The following SEMA5A variants were observed in gnomAD, a reference collection of about 807,000 sequenced individuals.
SEMA5A encodes semaphorin-5A.
SEMA5A carries 55 observed loss-of-function variants against 135.5 expected under a neutral mutation model. That is an observed-to-expected ratio of 0.41 (90% CI 0.33 to 0.51). The LOEUF (loss-of-function observed/expected upper bound fraction) is 0.51, where lower values mean the gene tolerates loss of function less well. SEMA5A is among the 20% of genes least tolerant of loss of function. The pLI is 0.37. For synonymous variants in SEMA5A, 580 were observed against 546.5 expected (o/e 1.06, Z -0.85); for missense variants, 1,290 against 1,419.9 (o/e 0.91, Z 1.47).
chr5:9,124,014 G>A (rs1397200274), intron 13 of SEMA5A, among the ~76,000 whole-genome samples: 1 of 152,172 alleles, frequency 6.6e-6, no homozygotes, highest in African/African-American at 2.4e-5. Flanking sequence ...GCAAGGGCTG[G>A]CAAGGATGAA....
chr5:9,118,186 T>G (rs1027862354), intron 15 of SEMA5A, among the ~76,000 whole-genome samples: 2 of 152,210 alleles, frequency 1.3e-5, no homozygotes, highest in African/African-American at 4.8e-5. Context: ...TAAAATGCAC[T>G]GAAAGTCATT....
At chr5:9,183,950 T>G (rs1159509135) in intron 11 of SEMA5A, among the ~76,000 whole-genome samples, 1 of 152,230 alleles carries the variant, frequency 6.6e-6, no homozygotes, top group Non-Finnish European at 1.5e-5. Flanking sequence ...AATGTGTGTA[T>G]ATATTGTTCT....
chr5:9,480,099 C>T (rs1206205763), intron 1 of SEMA5A, among the ~76,000 whole-genome samples: 1 of 152,064 alleles, frequency 6.6e-6, no homozygotes, highest in Non-Finnish European at 1.5e-5. Context: ...AGGACATTCA[C>T]CAGCATCCTT....
At position 9,202,124 on chromosome 5, in the gene SEMA5A, T is replaced by C. The variant is rs1175200130; in HGVS notation, c.763A>G (p.Lys255Glu). 1 of 1,614,212 alleles carries C rather than the reference T, an allele frequency of 6.2e-7. No individual in the cohort carries two copies. Among genetic ancestry groups the C allele is most frequent in the African/African-American group, 1.3e-5 (1 of 75,070 alleles). ...TVFSRAARVC[K>E]NDIGGRFLLE... ...AGGAAGCGCCCACCAATATCGTTCT[T>C]GCACACCCGGGCAGCTCTGGAGAAC... The change falls in exon 9 of 23, where the codon AAG becomes GAG. Residue 255 changes from lysine (K) to glutamate (E), a missense_variant. Coordinates refer to ENST00000382496, the MANE Select transcript of SEMA5A (RefSeq NM_003966.3).
chr5:9,321,171 C>T (rs1300891166), intron 4 of SEMA5A, among the ~76,000 whole-genome samples: 1 of 152,148 alleles, frequency 6.6e-6, no homozygotes, highest in Non-Finnish European at 1.5e-5. Flanking sequence ...TGAGAAGGCC[C>T]AAGCTTGCTT....
At chr5:9,068,879 T>G (rs1057014829) in intron 16 of SEMA5A, among the ~76,000 whole-genome samples, 8 of 152,142 alleles carry the variant, frequency 5.3e-5, no homozygotes, top group Non-Finnish European at 8.8e-5. Context: ...GGTAAAAGAC[T>G]ACAAAGCAAA....
chr5:9,461,827 G>A (rs2126730536), intron 1 of SEMA5A, among the ~76,000 whole-genome samples: 1 of 152,334 alleles, frequency 6.6e-6, no homozygotes, highest in Non-Finnish European at 1.5e-5. Flanking sequence ...ATAGTTTGGT[G>A]TGTTTGCACA....
At chr5:9,520,734 T>C (rs183308485) in intron 1 of SEMA5A, among the ~76,000 whole-genome samples, 40 of 152,284 alleles carry the variant, frequency 2.6e-4, no homozygotes, top group Admixed American at 2.6e-3. Context: ...AGGCAAGTCA[T>C]GAGAAAAACC....
chr5:9,294,258 T>C (rs878918091), intron 5 of SEMA5A, among the ~76,000 whole-genome samples: 1 of 152,162 alleles, frequency 6.6e-6, no homozygotes, highest in Admixed American at 6.5e-5. Context: ...CCATGACTCC[T>C]CATAGGCATT....
intron 5 of SEMA5A, among the ~76,000 whole-genome samples, chr5:9,275,656 C>T (rs1156382881): frequency 6.6e-6 from 1 of 152,188 alleles, no homozygotes; most frequent in African/African-American, 2.4e-5. Flanking sequence ...CAGCTTCATC[C>T]CAGGGATGCA....
At chr5:9,441,883 A>G (rs978006229) in intron 1 of SEMA5A, among the ~76,000 whole-genome samples, 9 of 152,218 alleles carry the variant, frequency 5.9e-5, no homozygotes, top group South Asian at 2.1e-4. Context: ...GAATGTTAAC[A>G]TGAGAAAGAG....
chr5:9,328,032 C>G lies in SEMA5A; in HGVS notation c.225-9615G>C, dbSNP rs917068960. Reference sequence around the variant, plus strand: ...TTCTAGGTTATCTTCAGTATTCATACAAATCTGAGATCTTTTTTCTCATGT... The same window carrying G: ...TTCTAGGTTATCTTCAGTATTCATAGAAATCTGAGATCTTTTTTCTCATGT... On this transcript the variant is annotated intron_variant, in intron 4 of 22. Transcript: ENST00000382496. Among the ~76,000 whole-genome samples, 7 of 152,160 alleles carry G rather than the reference C, an allele frequency of 4.6e-5. 1 individual carries two copies. Among genetic ancestry groups the G allele is most frequent in the Admixed American group, 3.9e-4 (6 of 15,278 alleles).
At chr5:9,307,585 A>C (rs1419654336) in intron 5 of SEMA5A, among the ~76,000 whole-genome samples, 1 of 152,072 alleles carries the variant, frequency 6.6e-6, no homozygotes, top group African/African-American at 2.4e-5. Context: ...TCTCTTACTC[A>C]AACAAGAAAT....
intron 12 of SEMA5A, among the ~76,000 whole-genome samples, chr5:9,137,068 C>T (rs12519207): frequency 0.12 from 17,692 of 152,108 alleles, 1,797 homozygotes; most frequent in East Asian, 0.31. Flanking sequence ...GACGCTTAAA[C>T]GATTTGATAG....
At chr5:9,470,119 A>C (rs1759422599) in intron 1 of SEMA5A, among the ~76,000 whole-genome samples, 1 of 152,190 alleles carries the variant, frequency 6.6e-6, no homozygotes, top group Admixed American at 6.5e-5. Flanking sequence ...TATTTCAAAC[A>C]AGGTCACAAA....
In SEMA5A at chr5:9,100,498, G is replaced by T. The variant is rs576812409; in HGVS notation, c.2073+7642C>A. ...GTAGCTGGGAAGGTGACACACTCCC[G>T]AGAGGCATTTACAGGCTTCTCAGAA... On this transcript the variant is annotated intron_variant, in intron 16 of 22. Transcript: ENST00000382496. Among the ~76,000 whole-genome samples the T allele has an allele frequency of 2.0e-4, 30 of 152,246 alleles. No homozygotes were observed. In the South Asian group the frequency reaches 5.6e-3, roughly 28 times the overall value.
At chr5:9,466,043 C>T (rs1561275992) in intron 1 of SEMA5A, among the ~76,000 whole-genome samples, 1 of 152,072 alleles carries the variant, frequency 6.6e-6, no homozygotes, top group Non-Finnish European at 1.5e-5. Flanking sequence ...ACCAAGAAGG[C>T]CTTAACATTT....
chr5:9,101,138 G>A (rs1038866060), intron 16 of SEMA5A, among the ~76,000 whole-genome samples: 2 of 152,128 alleles, frequency 1.3e-5, no homozygotes, highest in African/African-American at 2.4e-5. Flanking sequence ...TCACTTTATC[G>A]AATCTCATAT....
At position 9,300,095 on chromosome 5, in the gene SEMA5A, T is replaced by C. The variant is rs150674436; in HGVS notation, c.270+18277A>G. Among the ~76,000 whole-genome samples the C allele has an allele frequency of 3.1e-3, 479 of 152,302 alleles. 2 individuals carry two copies. The highest frequency in any genetic ancestry group is 5.2e-3 in the Non-Finnish European group (357 of 68,022). On this transcript the variant is annotated intron_variant, in intron 5 of 22. Coordinates refer to ENST00000382496, the MANE Select transcript of SEMA5A (RefSeq NM_003966.3). The stretch of plus-strand genomic sequence containing the variant: ...AGACTGGGGTGCACTGGCACTATCA[T>C]GGCTCACTGCAGCATCGAGCTCCCC...
Sources: gnomAD v4.1 joint callset for allele counts (sites outside exome capture counted in the v4.1 genomes callset) on GRCh38, gnomAD v4.1.1 for gene constraint, MANE v1.5 for transcripts, NCBI Gene and HGNC (gene_info 2026-07-23, HGNC 2026-07-21) for gene names.